The following MFHAS1 variants were observed in gnomAD, a reference collection of about 807,000 sequenced individuals.
MFHAS1 encodes the protein multifunctional ROCO family signaling regulator 1.
Under a neutral mutation model 70.4 loss-of-function variants are expected in MFHAS1, and 50 were observed. That is an observed-to-expected ratio of 0.71 (90% CI 0.57 to 0.90). The LOEUF (loss-of-function observed/expected upper bound fraction) is 0.90. Ranked by LOEUF, MFHAS1 falls within the 40% of genes least tolerant of loss-of-function variation. The pLI, the probability that MFHAS1 is intolerant of heterozygous loss-of-function variation, is 0.00. For missense variants in MFHAS1, 1,795 were observed against 1,347.6 expected (o/e 1.33, Z -5.20); for synonymous variants, 952 against 620.0 (o/e 1.54, Z -7.96).
chr8:8,866,547 G>C (rs1051360791), intron 1 of MFHAS1, among the ~76,000 whole-genome samples: 4 of 151,900 alleles, frequency 2.6e-5, no homozygotes, highest in African/African-American at 9.7e-5. Context: ...TCAACTCCTG[G>C]GCTCAAGCGA....
rs577349028 is a variant in MFHAS1 at position 8,842,753 on chromosome 8, G to C, written c.2999-45262C>G. Among the ~76,000 whole-genome samples the C allele has an allele frequency of 2.0e-4, 30 of 152,220 alleles. 1 individual carries two copies. Among genetic ancestry groups the C allele is most frequent in the Middle Eastern group, 3.4e-3 (1 of 294 alleles). On this transcript the variant is annotated intron_variant, in intron 1 of 2. Transcript: ENST00000276282. ...CGGACAGCACGTTAAAGCTAGAGAA[G>C]CAATGCCCTAATCCTAGTAACCCAT...
chr8:8,816,963 A>G (rs1439224681), intron 1 of MFHAS1, among the ~76,000 whole-genome samples: 1 of 152,162 alleles, frequency 6.6e-6, no homozygotes, highest in Non-Finnish European at 1.5e-5. Context: ...ATGACTCCCT[A>G]CCTGTTTACA....
chr8:8,852,333 G>C (rs1808276821), intron 1 of MFHAS1, among the ~76,000 whole-genome samples: 1 of 152,136 alleles, frequency 6.6e-6, no homozygotes, highest in Non-Finnish European at 1.5e-5. Flanking sequence ...AATTAGCTGG[G>C]TGTGGTGGCA....
At chr8:8,864,740 G>A (rs995407116) in intron 1 of MFHAS1, among the ~76,000 whole-genome samples, 1 of 152,140 alleles carries the variant, frequency 6.6e-6, no homozygotes, top group Non-Finnish European at 1.5e-5. Context: ...TGAACTTGGG[G>A]TCACTTGGCA....
At chr8:8,841,434 C>G (rs548586339) in intron 1 of MFHAS1, among the ~76,000 whole-genome samples, 2 of 151,466 alleles carry the variant, frequency 1.3e-5, no homozygotes, top group African/African-American at 4.8e-5. Context: ...CACCACTGCA[C>G]TACAGCCTGG....
chr8:8,851,221 G>C (rs1808237832), intron 1 of MFHAS1, among the ~76,000 whole-genome samples: 5 of 152,176 alleles, frequency 3.3e-5, no homozygotes, highest in Admixed American at 3.3e-4. Context: ...TTGTCCTACA[G>C]TTTATTTAGT....
At position 8,880,290 on chromosome 8, in the gene MFHAS1, G is replaced by A. The variant is rs185992044; in HGVS notation, c.2998+9771C>T. On this transcript the variant is annotated intron_variant, in intron 1 of 2. Transcript: ENST00000276282. Reference sequence around the variant, plus strand: ...TGGCCCCAGGAAGAATGACACCAATGTATCTGCCCCACCCCTCCAAAGGTG... The same window carrying A: ...TGGCCCCAGGAAGAATGACACCAATATATCTGCCCCACCCCTCCAAAGGTG... Among the ~76,000 whole-genome samples, 507 of 152,348 alleles carry A rather than the reference G, an allele frequency of 3.3e-3. 4 individuals are homozygous for A. Among genetic ancestry groups the A allele is most frequent in the Non-Finnish European group, 4.6e-3 (314 of 68,040 alleles).
chr8:8,850,521 C>T (rs1808203216), intron 1 of MFHAS1, among the ~76,000 whole-genome samples: 1 of 152,106 alleles, frequency 6.6e-6, no homozygotes, highest in Admixed American at 6.5e-5. Context: ...TGTCCAAAGC[C>T]ACAGAGTTTA....
At chr8:8,786,864 C>G (rs1323490804) in intron 2 of MFHAS1, among the ~76,000 whole-genome samples, 6 of 151,954 alleles carry the variant, frequency 3.9e-5, no homozygotes, top group Non-Finnish European at 1.5e-5. Context: ...CTTCTCCAGT[C>G]CATACAAGAT....
At chr8:8,808,006 C>G (rs1322843663) in intron 1 of MFHAS1, among the ~76,000 whole-genome samples, 1 of 152,208 alleles carries the variant, frequency 6.6e-6, no homozygotes, top group African/African-American at 2.4e-5. Context: ...CAGAAATAAA[C>G]AATCATCAGT....
chr8:8,866,653 C>T (rs939298695), intron 1 of MFHAS1, among the ~76,000 whole-genome samples: 7 of 152,232 alleles, frequency 4.6e-5, no homozygotes, highest in East Asian at 3.9e-4. Context: ...AAAAAGGATC[C>T]GTGATACAAA....
intron 1 of MFHAS1, among the ~76,000 whole-genome samples, chr8:8,888,761 T>C (rs1195127753): frequency 6.6e-6 from 1 of 152,084 alleles, no homozygotes; most frequent in Non-Finnish European, 1.5e-5. Flanking sequence ...CTCTGTATGA[T>C]ACTATAATGG....
chr8:8,841,326 T>A (rs920272885), intron 1 of MFHAS1, among the ~76,000 whole-genome samples: 6 of 151,928 alleles, frequency 3.9e-5, no homozygotes, highest in African/African-American at 1.5e-4. Flanking sequence ...AATACAAAAA[T>A]GAGCTGGGCG....
intron 1 of MFHAS1, among the ~76,000 whole-genome samples, chr8:8,856,607 T>C (rs868761061): frequency 4.6e-5 from 7 of 152,240 alleles, no homozygotes; most frequent in South Asian, 2.1e-4. Context: ...ATTAGCTTAA[T>C]AGTATTTTAC....
chr8:8,856,248 G>A (rs913993448), intron 1 of MFHAS1, among the ~76,000 whole-genome samples: 14 of 152,192 alleles, frequency 9.2e-5, no homozygotes, highest in African/African-American at 2.4e-4. Context: ...CACTGGTCAG[G>A]TGGGGTCAAG....
intron 2 of MFHAS1, among the ~76,000 whole-genome samples, chr8:8,795,902 G>T (rs891057997): frequency 6.6e-6 from 1 of 152,126 alleles, no homozygotes; most frequent in Non-Finnish European, 1.5e-5. Flanking sequence ...ATTCCATGTG[G>T]CCAGCTAGGA....
chr8:8,820,720 T>C (rs1376579636), intron 1 of MFHAS1, among the ~76,000 whole-genome samples: 2 of 152,148 alleles, frequency 1.3e-5, no homozygotes, highest in Non-Finnish European at 2.9e-5. Context: ...AGATTATCTC[T>C]AGTCAGGATG....
chr8:8,838,165 T>G (rs1807671693), intron 1 of MFHAS1, among the ~76,000 whole-genome samples: 2 of 152,202 alleles, frequency 1.3e-5, no homozygotes, highest in African/African-American at 4.8e-5. Flanking sequence ...GACAAAAGAC[T>G]ATCCGTTAGG....
At chr8:8,804,396 A>C (rs1806206794) in intron 1 of MFHAS1, among the ~76,000 whole-genome samples, 1 of 152,226 alleles carries the variant, frequency 6.6e-6, no homozygotes, top group Non-Finnish European at 1.5e-5. Flanking sequence ...CAATAAAATA[A>C]AATAAACAAA....
Sources: allele counts gnomAD v4.1 joint callset (sites outside exome capture counted in the v4.1 genomes callset), GRCh38; gene constraint gnomAD v4.1.1; transcripts MANE v1.5; gene names NCBI Gene and HGNC (gene_info 2026-07-23, HGNC 2026-07-21).